The following FAM184B variants were observed in gnomAD, a reference collection of about 807,000 sequenced individuals.
The protein encoded by FAM184B is family with sequence similarity 184 member B.
Under a neutral mutation model 135.9 loss-of-function variants are expected in FAM184B, and 111 were observed. The ratio of observed to expected loss-of-function variants is 0.82; its 90% confidence interval spans 0.70 to 0.96. The LOEUF is 0.96. FAM184B is among the 40% of genes least tolerant of loss of function. The probability of loss-of-function intolerance (pLI) is 0.00; values close to 1 mark genes in which losing one functional copy is unlikely to be tolerated. For synonymous variants in FAM184B, 552 were observed against 524.8 expected (o/e 1.05, Z -0.71); for missense variants, 1,375 against 1,323.9 (o/e 1.04, Z -0.60).
Position 17,765,933 on chromosome 4 carries a change from G to A in FAM184B, c.141+15226C>T, listed in dbSNP as rs1241829671. On this transcript the variant is annotated intron_variant, in intron 1 of 17. Transcript: ENST00000265018. ...GGTGAGTGTTACAGCTCTTAAAGCA[G>A]CACATCTAGAATTACTCCTTCCTTC... 2.0e-5 allele frequency among the ~76,000 whole-genome samples: 3 copies of A among 152,124 alleles called. No individual in the cohort carries two copies. The East Asian group carries it at 5.8e-4, about 29-fold the overall frequency.
chr4:17,738,861 A>G (rs907525404), intron 1 of FAM184B, among the ~76,000 whole-genome samples: 8 of 152,004 alleles, frequency 5.3e-5, no homozygotes, highest in Admixed American at 1.3e-4. Flanking sequence ...GTCCTTGTTA[A>G]AAAGCATCAG....
chr4:17,652,857 T>G lies in FAM184B; in HGVS notation c.2164A>C (p.Met722Leu). 6.4e-7 allele frequency: 1 copy of G among 1,551,572 alleles called. No homozygotes were observed. The highest frequency in any genetic ancestry group is 8.7e-7 in the Non-Finnish European group (1 of 1,146,982). ...AGCAGCAGGGCCTGCTGTGCCTGCATCCTCTCACGCTCCTCCTGCAGCTCT... is the reference window on the plus strand; with the variant it reads ...AGCAGCAGGGCCTGCTGTGCCTGCAGCCTCTCACGCTCCTCCTGCAGCTCT... ...RQELQEERER[M>L]QAQQALLLES... is the part of the protein sequence containing the mutation. Residue 722 changes from methionine to leucine, a missense_variant, in exon 11 of 18, where the codon ATG becomes CTG. Coordinates refer to ENST00000265018, the MANE Select transcript of FAM184B (RefSeq NM_015688.2).
rs1039997194 is a variant in FAM184B at position 17,644,938 on chromosome 4, T to C, written c.2346+2699A>G. Among the ~76,000 whole-genome samples, 28 of 152,098 alleles carry C rather than the reference T, an allele frequency of 1.8e-4. 1 individual carries two copies. Among genetic ancestry groups the C allele is most frequent in the Admixed American group, 1.8e-3 (28 of 15,270 alleles). On this transcript the variant is annotated intron_variant, in intron 12 of 17. Transcript: ENST00000265018. The stretch of plus-strand genomic sequence containing the variant: ...AATCACAAGCATTCTTATACACCAA[T>C]AACAGACAAACAGAGAGCCAAATCA...
chr4:17,741,420 G>T (rs1162413823), intron 1 of FAM184B, among the ~76,000 whole-genome samples: 1 of 152,208 alleles, frequency 6.6e-6, no homozygotes, highest in Non-Finnish European at 1.5e-5. Context: ...CTGGCCGGGC[G>T]TGGTGGCTCA....
At chr4:17,768,730 T>C (rs1390388861) in intron 1 of FAM184B, among the ~76,000 whole-genome samples, 1 of 152,192 alleles carries the variant, frequency 6.6e-6, no homozygotes, top group Non-Finnish European at 1.5e-5. Flanking sequence ...TTTTCTTGCC[T>C]ATGAGGTCCA....
At chr4:17,780,635 T>G (rs1294481345) in intron 1 of FAM184B, among the ~76,000 whole-genome samples, 2 of 152,066 alleles carry the variant, frequency 1.3e-5, no homozygotes, top group East Asian at 3.9e-4. Flanking sequence ...TCCCCATTTA[T>G]GCTCCTACAC....
At chr4:17,695,921 A>G (rs1716846801) in intron 5 of FAM184B, among the ~76,000 whole-genome samples, 1 of 152,184 alleles carries the variant, frequency 6.6e-6, no homozygotes, top group African/African-American at 2.4e-5. Context: ...GGGAGAGAAC[A>G]TGAAGGAAAA....
At chr4:17,728,411 T>G (rs1235612299) in intron 1 of FAM184B, among the ~76,000 whole-genome samples, 1 of 152,068 alleles carries the variant, frequency 6.6e-6, no homozygotes, top group Non-Finnish European at 1.5e-5. Flanking sequence ...CAATGAAAAT[T>G]AACATGCCTC....
intron 16 of FAM184B, among the ~76,000 whole-genome samples, chr4:17,634,273 A>AG (rs1034408705): frequency 6.6e-6 from 1 of 152,230 alleles, no homozygotes; most frequent in African/African-American, 2.4e-5. Flanking sequence ...AAACTACACG[A>AG]GATGACATTA....
intron 11 of FAM184B, among the ~76,000 whole-genome samples, chr4:17,648,053 G>A (rs1055476227): frequency 5.3e-5 from 8 of 152,186 alleles, no homozygotes; most frequent in African/African-American, 1.9e-4. Context: ...AGGGACCTGA[G>A]CATCAGAGAG....
chr4:17,724,882 T>A (rs914790602), intron 1 of FAM184B, among the ~76,000 whole-genome samples: 1 of 152,156 alleles, frequency 6.6e-6, no homozygotes, highest in African/African-American at 2.4e-5. Flanking sequence ...ATATTCTACG[T>A]CAATTCTCTC....
At chr4:17,732,869 C>T (rs766472261) in intron 1 of FAM184B, among the ~76,000 whole-genome samples, 1 of 152,132 alleles carries the variant, frequency 6.6e-6, no homozygotes, top group Non-Finnish European at 1.5e-5. Flanking sequence ...CAAAGCCTGG[C>T]AGAGACACAA....
chr4:17,751,874 C>CACACACA (rs1553842794), intron 1 of FAM184B, among the ~76,000 whole-genome samples: 1 of 137,390 alleles, frequency 7.3e-6, no homozygotes, highest in Non-Finnish European at 1.6e-5. Flanking sequence ...CACAAAAGAA[C>CACACACA]CAGGCACGCA....
At position 17,781,111 on chromosome 4, in the gene FAM184B, C is replaced by T. The variant is rs755400825; in HGVS notation, c.141+48G>A. On this transcript the variant is annotated intron_variant, in intron 1 of 17. Coordinates refer to ENST00000265018, the MANE Select transcript of FAM184B (RefSeq NM_015688.2). This position sits in a 1 kb window ranked among gnomAD's most constrained non-coding sequence, Gnocchi z 6.5. The stretch of plus-strand genomic sequence containing the variant: ...GGCGCATCCGCACTGACTCCCGGCT[C>T]GGGCGCCCCGGGCGTGCAGCTCGCT... 1 of 1,465,872 alleles carries T rather than the reference C, an allele frequency of 6.8e-7. No homozygotes were observed. Among genetic ancestry groups the T allele is most frequent in the Non-Finnish European group, 9.0e-7 (1 of 1,107,050 alleles). 90.8% of individuals were successfully genotyped at this position (1,465,872 alleles called of 1,614,324 possible). A position where few individuals can be genotyped will look rare whatever the true frequency, so the allele number is the denominator to read the frequency against.
In FAM184B at chr4:17,713,329, G is replaced by T. The variant is rs1717328865; in HGVS notation, c.142-3685C>A. Among the ~76,000 whole-genome samples, 3 of 152,206 alleles carry T rather than the reference G, an allele frequency of 2.0e-5. No individual in the cohort carries two copies. In the South Asian group the frequency reaches 6.2e-4, roughly 32 times the overall value. On this transcript the variant is annotated intron_variant, in intron 1 of 17. Transcript: ENST00000265018. ...AACACTCTGTCATGGACAGGAGAAG[G>T]AAGTCCCCTTGTCCTTCCAGGAAGA... is the stretch of plus-strand genomic sequence containing the variant.
Position 17,765,826 on chromosome 4 carries a change from T to G in FAM184B, c.141+15333A>C, listed in dbSNP as rs1047948437. Among the ~76,000 whole-genome samples, 25 of 152,352 alleles carry G rather than the reference T, an allele frequency of 1.6e-4. 1 individual carries two copies. The highest frequency in any genetic ancestry group is 5.3e-4 in the African/African-American group (22 of 41,580). ...TGTCCAGAGTTTGTTCCTTCTGATA[T>G]TCAGATGTGTTCTGAGTTTCTTCCT... On this transcript the variant is annotated intron_variant, in intron 1 of 17. Coordinates refer to ENST00000265018, the MANE Select transcript of FAM184B (RefSeq NM_015688.2).
intron 6 of FAM184B, among the ~76,000 whole-genome samples, chr4:17,691,524 A>T (rs777327005): frequency 2.6e-5 from 4 of 152,084 alleles, no homozygotes; most frequent in African/African-American, 9.7e-5. Context: ...CGTCTTTACT[A>T]AAATGCAAAA....
At chr4:17,725,508 G>C (rs377400949) in intron 1 of FAM184B, among the ~76,000 whole-genome samples, 1 of 152,116 alleles carries the variant, frequency 6.6e-6, no homozygotes, top group South Asian at 2.1e-4. Context: ...CTGAATCCAG[G>C]GCTGCTTTCA....
intron 7 of FAM184B, among the ~76,000 whole-genome samples, chr4:17,667,190 G>A (rs1716075235): frequency 6.6e-6 from 1 of 151,952 alleles, no homozygotes; most frequent in South Asian, 2.1e-4. Flanking sequence ...AAACTCCTGG[G>A]CTCAAGTGAT....
Sources: allele counts gnomAD v4.1 joint callset (sites outside exome capture counted in the v4.1 genomes callset), GRCh38; gene constraint gnomAD v4.1.1; non-coding constraint Gnocchi (gnomAD v3.1); transcripts MANE v1.5; gene names NCBI Gene and HGNC (gene_info 2026-07-23, HGNC 2026-07-21).